Variants in ATE1 observed in about 807,000 individuals in gnomAD.
ATE1 encodes arginyl-tRNA--protein transferase 1.
Under a neutral mutation model 70.5 loss-of-function variants are expected in ATE1, and 36 were observed. That is an observed-to-expected ratio of 0.51 (90% CI 0.39 to 0.67). The LOEUF is 0.67. Among genes scored for constraint, ATE1 ranks in the 30% least tolerant of loss-of-function variants. The pLI is 0.00. For synonymous variants in ATE1, 232 were observed against 219.3 expected, an observed-to-expected ratio of 1.06 and a Z score of -0.51; for missense variants, 593 against 629.5, an observed-to-expected ratio of 0.94 and a Z score of 0.62.
chr10:121,827,550 T>C (rs1948075480), intron 10 of ATE1, among the ~76,000 whole-genome samples: 1 of 152,156 alleles, frequency 6.6e-6, no homozygotes, highest in Non-Finnish European at 1.5e-5. Context: ...TTCCACTAAT[T>C]TCAACCAGTG....
intron 7 of ATE1, among the ~76,000 whole-genome samples, chr10:121,886,502 G>A (rs571771234): frequency 9.2e-5 from 14 of 152,274 alleles, no homozygotes; most frequent in African/African-American, 3.4e-4. Flanking sequence ...ACAGACTCCT[G>A]TCCAGGGTGA....
chr10:121,771,307 G>A (rs1318299497), intron 11 of ATE1, among the ~76,000 whole-genome samples: 1 of 152,112 alleles, frequency 6.6e-6, no homozygotes, highest in Non-Finnish European at 1.5e-5. Context: ...CTGACCTCGT[G>A]ATCCACCCGC....
At chr10:121,801,038 G>A (rs552423010) in intron 10 of ATE1, among the ~76,000 whole-genome samples, 1 of 152,282 alleles carries the variant, frequency 6.6e-6, no homozygotes, top group African/African-American at 2.4e-5. Flanking sequence ...TTCAAAAACT[G>A]TGTTTGGATT....
intron 10 of ATE1, among the ~76,000 whole-genome samples, chr10:121,831,837 T>C (rs1948250236): frequency 6.6e-6 from 1 of 152,182 alleles, no homozygotes; most frequent in South Asian, 2.1e-4. Context: ...TTCCAGTAAA[T>C]GTATATAATC....
intron 11 of ATE1, among the ~76,000 whole-genome samples, chr10:121,761,727 C>T (rs1226446732): frequency 6.6e-6 from 1 of 152,122 alleles, no homozygotes; most frequent in Non-Finnish European, 1.5e-5. Context: ...TTTTACATTG[C>T]CACAAGTCCC....
intron 10 of ATE1, among the ~76,000 whole-genome samples, chr10:121,802,169 G>A (rs1171534085): frequency 1.3e-5 from 2 of 152,136 alleles, no homozygotes; most frequent in Non-Finnish European, 2.9e-5. Context: ...CTCCAGTCGA[G>A]AGATAACCTG....
chr10:121,744,856 T>C (rs1944286125), intron 11 of ATE1, among the ~76,000 whole-genome samples: 1 of 152,202 alleles, frequency 6.6e-6, no homozygotes, highest in Non-Finnish European at 1.5e-5. Flanking sequence ...GTGGAAGTGT[T>C]TTGTGGAAGT....
intron 11 of ATE1, among the ~76,000 whole-genome samples, chr10:121,768,049 C>T (rs1183480030): frequency 6.6e-6 from 1 of 152,116 alleles, no homozygotes; most frequent in Non-Finnish European, 1.5e-5. Flanking sequence ...TATGCTACAA[C>T]ATGGATGAAT....
Position 121,898,261 on chromosome 10 carries a change from A to C in ATE1, c.942+1605T>G, listed in dbSNP as rs930514877. 3.3e-5 allele frequency among the ~76,000 whole-genome samples: 5 copies of C among 152,308 alleles called. No individual in the cohort carries two copies. The South Asian group carries it at 6.2e-4, about 19-fold the overall frequency. ...TGCTTTTTCAACTTTACAATGATGGAAAACGATTCCGTTTTTCACTTTCAG... is the reference window on the plus strand; with the variant it reads ...TGCTTTTTCAACTTTACAATGATGGCAAACGATTCCGTTTTTCACTTTCAG... On this transcript the variant is annotated intron_variant, in intron 7 of 11. Coordinates refer to ENST00000224652, the MANE Select transcript of ATE1 (RefSeq NM_001001976.3).
In ATE1 at chr10:121,741,712, C is replaced by T. The variant is rs1210620051; in HGVS notation, c.*1968G>A. ...TTAATAATGCAGAGATTACTTACTA[C>T]ACTTTCTGAAGCCTTATTTTGAAAT... On this transcript the variant is annotated 3_prime_UTR_variant, in exon 12 of 12. Transcript: ENST00000224652. 1.3e-5 allele frequency: 2 copies of T among 152,184 alleles called. No individual in the cohort carries two copies. The highest frequency in any genetic ancestry group is 2.9e-5 in the Non-Finnish European group (2 of 68,040). 9.4% of individuals were successfully genotyped at this position (152,184 alleles called of 1,614,324 possible).
At chr10:121,799,859 T>C (rs2133364408) in intron 10 of ATE1, among the ~76,000 whole-genome samples, 1 of 152,306 alleles carries the variant, frequency 6.6e-6, no homozygotes, top group South Asian at 2.1e-4. Flanking sequence ...TACAATTGAA[T>C]ATACAATTCA....
chr10:121,920,190 CAA>C (rs200560548), intron 3 of ATE1, among the ~76,000 whole-genome samples: 1 of 150,136 alleles, frequency 6.7e-6, no homozygotes, highest in African/African-American at 2.4e-5. Flanking sequence ...CATTTTCTAT[CAA>C]AAAAAAAGGT....
intron 10 of ATE1, among the ~76,000 whole-genome samples, chr10:121,807,938 G>C (rs191354633): frequency 6.6e-6 from 1 of 152,300 alleles, no homozygotes; most frequent in Non-Finnish European, 1.5e-5. Context: ...TGTGGCTGCA[G>C]AGCCTGAAGT....
intron 11 of ATE1, among the ~76,000 whole-genome samples, chr10:121,757,042 C>T (rs1228421023): frequency 6.6e-6 from 1 of 152,170 alleles, no homozygotes; most frequent in Non-Finnish European, 1.5e-5. Flanking sequence ...AAACTGAATG[C>T]CTTTAACAGC....
chr10:121,818,281 A>AAAAAAAG (rs1947643989), intron 10 of ATE1, among the ~76,000 whole-genome samples: 1 of 150,702 alleles, frequency 6.6e-6, no homozygotes, highest in Non-Finnish European at 1.5e-5. Flanking sequence ...AAAAAAAAAA[A>AAAAAAAG]GATGGTTAAT....
intron 8 of ATE1, among the ~76,000 whole-genome samples, chr10:121,850,651 G>A (rs1390191573): frequency 6.6e-6 from 1 of 152,190 alleles, no homozygotes; most frequent in Non-Finnish European, 1.5e-5. Flanking sequence ...GGAAGTACAG[G>A]TAGAAGAGGA....
chr10:121,863,106 C>G (rs955049296), intron 8 of ATE1, among the ~76,000 whole-genome samples: 1 of 152,112 alleles, frequency 6.6e-6, no homozygotes, highest in Non-Finnish European at 1.5e-5. Context: ...ACATTTCTCC[C>G]TTCAGTTCTA....
intron 10 of ATE1, among the ~76,000 whole-genome samples, chr10:121,807,334 G>A (rs1210306424): frequency 6.6e-6 from 1 of 152,132 alleles, no homozygotes; most frequent in Non-Finnish European, 1.5e-5. Context: ...AGTAACCAAA[G>A]GTAATCAAAC....
chr10:121,913,526 C>G (rs1404794285), intron 4 of ATE1, among the ~76,000 whole-genome samples: 1 of 152,168 alleles, frequency 6.6e-6, no homozygotes, highest in African/African-American at 2.4e-5. Flanking sequence ...ATTCTGGAAA[C>G]AGATATTTTG....
Sources: gnomAD v4.1 joint callset for allele counts (sites outside exome capture counted in the v4.1 genomes callset) on GRCh38, gnomAD v4.1.1 for gene constraint, MANE v1.5 for transcripts, NCBI Gene and HGNC (gene_info 2026-07-23, HGNC 2026-07-21) for gene names.